Variants in RAD51B observed in about 807,000 individuals in gnomAD.
RAD51B encodes the protein RAD51 paralog B, also known as DNA repair protein RAD51 homolog 2.
Under a neutral mutation model 42.2 loss-of-function variants are expected in RAD51B, and 38 were observed. That is an observed-to-expected ratio of 0.90 (90% confidence interval 0.70 to 1.18). The LOEUF (loss-of-function observed/expected upper bound fraction) is 1.18. Ranked by LOEUF, RAD51B falls within the 50% of genes most tolerant of loss-of-function variation. RAD51B has a pLI of 0.00. For synonymous variants in RAD51B, 154 were observed against 145.2 expected, an observed-to-expected ratio of 1.06 and a Z score of -0.43; for missense variants, 373 against 400.7, an observed-to-expected ratio of 0.93 and a Z score of 0.59.
chr14:68,649,691 A>C (rs936916589), intron 10 of RAD51B, among the ~76,000 whole-genome samples: 1 of 152,192 alleles, frequency 6.6e-6, no homozygotes, highest in Non-Finnish European at 1.5e-5. Flanking sequence ...TGGTCCAGTC[A>C]TGTGTGAAGA....
intron 7 of RAD51B, among the ~76,000 whole-genome samples, chr14:68,074,473 T>G (rs540697716): frequency 1.3e-5 from 2 of 152,240 alleles, no homozygotes; most frequent in Non-Finnish European, 2.9e-5. Context: ...TTCAATTTTC[T>G]GTTGAATCTT....
chr14:67,994,104 T>C (rs938599330), intron 7 of RAD51B, among the ~76,000 whole-genome samples: 8 of 152,282 alleles, frequency 5.3e-5, no homozygotes, highest in Admixed American at 6.5e-5. Flanking sequence ...TGTTTACTGT[T>C]AAGAGTTTTC....
intron 11 of RAD51B, among the ~76,000 whole-genome samples, chr14:68,671,782 A>T (rs1306343950): frequency 6.6e-6 from 1 of 151,908 alleles, no homozygotes; most frequent in Non-Finnish European, 1.5e-5. Flanking sequence ...TGAACACTGT[A>T]GGGCCTTAGG....
At chr14:68,371,059 A>AAAAAG in intron 8 of RAD51B, among the ~76,000 whole-genome samples, 3 of 144,384 alleles carry the variant, frequency 2.1e-5, no homozygotes, top group African/African-American at 7.7e-5. Flanking sequence ...AAAAAAAGAA[A>AAAAAG]AAAAGAAAAG....
chr14:68,349,657 T>C (rs950485605), intron 8 of RAD51B, among the ~76,000 whole-genome samples: 2 of 152,282 alleles, frequency 1.3e-5, no homozygotes, highest in Middle Eastern at 3.4e-3. Flanking sequence ...TGAGCCACCA[T>C]GCCTGGCTTC....
chr14:68,562,573 C>T, intron 10 of RAD51B: 2 of 985,410 alleles, frequency 2.0e-6, no homozygotes, highest in Non-Finnish European at 2.4e-6. Context: ...CTTTTGTGTA[C>T]TGTGCAGTCT....
At chr14:67,926,797 T>A (rs1284170538) in intron 7 of RAD51B, among the ~76,000 whole-genome samples, 2 of 151,972 alleles carry the variant, frequency 1.3e-5, no homozygotes, top group African/African-American at 4.8e-5. Context: ...CTCCCAACTT[T>A]GTGATCTGCC....
At chr14:68,138,226 G>T (rs1323513577) in intron 7 of RAD51B, among the ~76,000 whole-genome samples, 1 of 152,128 alleles carries the variant, frequency 6.6e-6, no homozygotes, top group Non-Finnish European at 1.5e-5. Flanking sequence ...GTAATGGGTG[G>T]GTGGTGAAAG....
At chr14:68,624,766 C>A (rs992625142) in intron 10 of RAD51B, among the ~76,000 whole-genome samples, 25 of 152,176 alleles carry the variant, frequency 1.6e-4, no homozygotes, top group African/African-American at 6.0e-4. Context: ...GGGCCCCAGG[C>A]AATTTCGTTC....
chr14:68,595,611 T>C (rs1034912533), exon 11 of RAD51B: 25 of 1,064,232 alleles, frequency 2.3e-5, no homozygotes, highest in Non-Finnish European at 2.7e-5. Flanking sequence ...CCTGAGTCAG[T>C]CTCCCCAATG....
At chr14:67,835,340 C>A in intron 4 of RAD51B, 144 bp downstream of exon 4, 2 of 656,380 alleles carry the variant, frequency 3.0e-6, no homozygotes, top group South Asian at 2.0e-5. Context: ...GTTCTCCACT[C>A]AGTACTTAGT....
At chr14:68,115,003 T>C (rs1473891239) in intron 7 of RAD51B, among the ~76,000 whole-genome samples, 1 of 148,068 alleles carries the variant, frequency 6.8e-6, no homozygotes, top group Non-Finnish European at 1.5e-5. Context: ...CTCAGGGATC[T>C]AGAACTAGAA....
intron 7 of RAD51B, among the ~76,000 whole-genome samples, chr14:67,905,497 T>G (rs909804633): frequency 6.6e-6 from 1 of 152,164 alleles, no homozygotes; most frequent in African/African-American, 2.4e-5. Context: ...GTAAATTGCT[T>G]TGGGCAGTAT....
At chr14:68,213,862 C>T (rs2079760601) in intron 7 of RAD51B, among the ~76,000 whole-genome samples, 1 of 152,112 alleles carries the variant, frequency 6.6e-6, no homozygotes, top group Non-Finnish European at 1.5e-5. Context: ...TGAAGACAAC[C>T]TTCAAATATT....
At chr14:68,490,203 T>C (rs1182702532) in intron 10 of RAD51B, among the ~76,000 whole-genome samples, 5 of 152,244 alleles carry the variant, frequency 3.3e-5, no homozygotes, top group Admixed American at 2.0e-4. Flanking sequence ...ATAACAGAAA[T>C]GATTTTATTA....
At chr14:68,170,923 C>T (rs978550133) in intron 7 of RAD51B, among the ~76,000 whole-genome samples, 1 of 152,156 alleles carries the variant, frequency 6.6e-6, no homozygotes, top group Non-Finnish European at 1.5e-5. Context: ...AGTTTTAGAC[C>T]AGGGTTTCCA....
At chr14:68,682,119 G>A (rs182177538) in intron 11 of RAD51B, among the ~76,000 whole-genome samples, 23 of 151,954 alleles carry the variant, frequency 1.5e-4, no homozygotes, top group African/African-American at 5.1e-4. Flanking sequence ...TTTGTCAGCA[G>A]CCTAGAGGGA....
intron 10 of RAD51B, among the ~76,000 whole-genome samples, chr14:68,579,321 A>G (rs1890107850): frequency 6.6e-6 from 1 of 152,176 alleles, no homozygotes; most frequent in Non-Finnish European, 1.5e-5. Context: ...AACTTCTCAG[A>G]CAGTGAATTG....
intron 11 of RAD51B, among the ~76,000 whole-genome samples, chr14:68,656,989 A>G (rs1307456926): frequency 6.6e-6 from 1 of 152,202 alleles, no homozygotes; most frequent in Non-Finnish European, 1.5e-5. Flanking sequence ...TTAAAACAGG[A>G]AAGAGCCTCA....
Sources: allele counts gnomAD v4.1 joint callset (sites outside exome capture counted in the v4.1 genomes callset), GRCh38; gene constraint gnomAD v4.1.1; transcripts MANE v1.5; gene names NCBI Gene and HGNC (gene_info 2026-07-23, HGNC 2026-07-21).